KDM4C: variants seen among roughly 807,000 people sequenced by gnomAD.
The protein encoded by KDM4C is lysine-specific demethylase 4C.
Under a neutral mutation model 129.3 loss-of-function variants are expected in KDM4C, and 81 were observed. The observed-to-expected ratio is 0.63, with a 90% CI of 0.52 to 0.75. KDM4C has a LOEUF of 0.75. KDM4C is among the 30% of genes least tolerant of loss of function. KDM4C has a pLI of 0.00. For missense variants in KDM4C, 1,457 were observed against 1,304.0 expected (o/e 1.12, Z -1.81); for synonymous variants, 573 against 456.1 (o/e 1.26, Z -3.26).
chr9:7,105,232 A>C (rs534338719), intron 18 of KDM4C, among the ~76,000 whole-genome samples: 2 of 152,310 alleles, frequency 1.3e-5, no homozygotes, highest in East Asian at 3.9e-4. Context: ...ATGTATATGA[A>C]TGCGTTTTGA....
At chr9:6,728,742 A>C (rs1397391075) in intron 1 of KDM4C, among the ~76,000 whole-genome samples, 2 of 152,080 alleles carry the variant, frequency 1.3e-5, no homozygotes, top group Non-Finnish European at 2.9e-5. Flanking sequence ...GCTACTCAGG[A>C]GGCTGAGGCA....
intron 8 of KDM4C, among the ~76,000 whole-genome samples, chr9:6,928,156 A>C (rs572191821): frequency 2.0e-5 from 3 of 152,102 alleles, no homozygotes; most frequent in Non-Finnish European, 4.4e-5. Context: ...TCCTCATGTT[A>C]CTCAACCCCT....
intron 18 of KDM4C, among the ~76,000 whole-genome samples, chr9:7,113,658 T>G (rs772748917): frequency 4.6e-5 from 7 of 152,224 alleles, no homozygotes; most frequent in Non-Finnish European, 8.8e-5. Flanking sequence ...GAGTTTAACG[T>G]GATCTTGGAA....
At chr9:6,862,763 C>G (rs761014271) in intron 5 of KDM4C, among the ~76,000 whole-genome samples, 1 of 152,088 alleles carries the variant, frequency 6.6e-6, no homozygotes, top group Non-Finnish European at 1.5e-5. Context: ...GCCGAGATCA[C>G]GCCACTGTAC....
chr9:6,807,609 C>G (rs576159589), intron 3 of KDM4C, among the ~76,000 whole-genome samples: 1 of 150,606 alleles, frequency 6.6e-6, no homozygotes, highest in African/African-American at 2.4e-5. Flanking sequence ...TTCTGCCCAG[C>G]CGCCCCGTCT....
intron 5 of KDM4C, among the ~76,000 whole-genome samples, chr9:6,865,159 C>G (rs564421935): frequency 1.3e-3 from 195 of 152,040 alleles, no homozygotes; most frequent in African/African-American, 4.4e-3. Flanking sequence ...CAGGTGCCCG[C>G]CACCACACCT....
At chr9:6,742,676 G>C (rs1456814847) in intron 1 of KDM4C, among the ~76,000 whole-genome samples, 1 of 69,476 alleles carries the variant, frequency 1.4e-5, no homozygotes. Context: ...TTGGTGGGGT[G>C]GGGAATTTTT....
At chr9:6,785,939 T>C (rs1368194365) in intron 1 of KDM4C, among the ~76,000 whole-genome samples, 1 of 152,186 alleles carries the variant, frequency 6.6e-6, no homozygotes, top group Non-Finnish European at 1.5e-5. Flanking sequence ...CCAGAATCCT[T>C]CTTTTTCTAG....
intron 1 of KDM4C, among the ~76,000 whole-genome samples, chr9:6,745,946 A>AT (rs1330312695): frequency 6.6e-6 from 1 of 152,026 alleles, no homozygotes; most frequent in Non-Finnish European, 1.5e-5. Context: ...AGTAGCTGGG[A>AT]TTACAGGCAT....
chr9:7,109,514 T>A (rs972706700), intron 18 of KDM4C, among the ~76,000 whole-genome samples: 2 of 152,222 alleles, frequency 1.3e-5, no homozygotes, highest in African/African-American at 4.8e-5. Flanking sequence ...CAGAATTACA[T>A]TTCAGCATAT....
chr9:6,970,704 T>C (rs551709056), intron 8 of KDM4C, among the ~76,000 whole-genome samples: 8 of 152,234 alleles, frequency 5.3e-5, no homozygotes, highest in African/African-American at 9.6e-5. Context: ...TTTCAACTTA[T>C]GTCCTGTTCT....
intron 17 of KDM4C, among the ~76,000 whole-genome samples, chr9:7,081,310 G>C (rs1665693621): frequency 6.6e-6 from 1 of 152,162 alleles, no homozygotes; most frequent in Non-Finnish European, 1.5e-5. Flanking sequence ...AGAATAACTA[G>C]GTGCCTAAAG....
At chr9:6,756,040 TG>T (rs1818250767), upstream of KDM4C, among the ~76,000 whole-genome samples, 1 of 152,222 alleles carries the variant, frequency 6.6e-6, no homozygotes, top group African/African-American at 2.4e-5. Context: ...AAATGTTATT[TG>T]TGCATCTGCA....
At chr9:6,923,190 G>A (rs1001476490) in intron 8 of KDM4C, among the ~76,000 whole-genome samples, 2 of 151,816 alleles carry the variant, frequency 1.3e-5, no homozygotes, top group African/African-American at 4.8e-5. Flanking sequence ...TTATACAATA[G>A]CTCGTTTGTT....
chr9:7,115,612 G>C (rs574257218), intron 18 of KDM4C, among the ~76,000 whole-genome samples: 90 of 152,286 alleles, frequency 5.9e-4, no homozygotes, highest in Non-Finnish European at 1.1e-3. Flanking sequence ...AAAATGTAAT[G>C]AAAGTATATT....
intron 5 of KDM4C, among the ~76,000 whole-genome samples, chr9:6,867,090 A>C (rs1019552374): frequency 6.8e-6 from 1 of 147,570 alleles, no homozygotes; most frequent in Non-Finnish European, 1.5e-5. Context: ...ATCTCAGCTC[A>C]CTGCAACCTC....
At chr9:7,065,370 A>T (rs1484945138) in intron 17 of KDM4C, among the ~76,000 whole-genome samples, 2 of 152,116 alleles carry the variant, frequency 1.3e-5, no homozygotes, top group Non-Finnish European at 2.9e-5. Flanking sequence ...ACTACTTTTC[A>T]TTACAGGAAT....
intron 5 of KDM4C, among the ~76,000 whole-genome samples, chr9:6,866,476 A>G (rs1439806218): frequency 6.6e-6 from 1 of 152,142 alleles, no homozygotes; most frequent in Non-Finnish European, 1.5e-5. Flanking sequence ...CCTACAGTGT[A>G]GCACTGCTGA....
chr9:6,836,771 A>C (rs1364801830), intron 4 of KDM4C, among the ~76,000 whole-genome samples: 2 of 152,078 alleles, frequency 1.3e-5, no homozygotes, highest in African/African-American at 4.8e-5. Flanking sequence ...TTTGTAAGCT[A>C]TTGTAATGTT....
Sources: allele counts gnomAD v4.1 joint callset (sites outside exome capture counted in the v4.1 genomes callset), GRCh38; gene constraint gnomAD v4.1.1; transcripts MANE v1.5; gene names NCBI Gene and HGNC (gene_info 2026-07-23, HGNC 2026-07-21).